SNX18: variants seen among roughly 807,000 people sequenced by gnomAD.
SNX18 encodes the protein sorting nexin 18, also known as sorting nexin-18.
Under a neutral mutation model 48.7 loss-of-function variants are expected in SNX18, and 35 were observed. That is an observed-to-expected ratio of 0.72 (90% CI 0.55 to 0.95). The LOEUF (loss-of-function observed/expected upper bound fraction) is 0.95, where lower values mean the gene tolerates loss of function less well. Ranked by LOEUF, SNX18 falls within the 40% of genes least tolerant of loss-of-function variation. SNX18 has a pLI of 0.00. For synonymous variants in SNX18, 492 were observed against 384.7 expected (o/e 1.28, Z -3.26); for missense variants, 824 against 871.0 (o/e 0.95, Z 0.68).
At chr5:54,639,657 C>G in the SNX18 span, among the ~76,000 whole-genome samples, 1 of 152,116 alleles carries the variant, frequency 6.6e-6, no homozygotes, top group East Asian at 1.9e-4. Flanking sequence ...AAGTAAGTTA[C>G]GCACCCAAAA....
intron 1 of SNX18, among the ~76,000 whole-genome samples, chr5:54,539,941 G>A (rs9686403): frequency 0.26 from 39,395 of 151,514 alleles, 5,365 homozygotes; most frequent in East Asian, 0.44. Flanking sequence ...GTGCGATTTC[G>A]GCTCACTGCA....
the SNX18 span, among the ~76,000 whole-genome samples, chr5:54,640,424 A>T: frequency 2.0e-5 from 3 of 151,810 alleles, no homozygotes; most frequent in East Asian, 5.8e-4. Flanking sequence ...GGGTTTTGCC[A>T]TGTTGCCCAG....
the SNX18 span, among the ~76,000 whole-genome samples, chr5:54,605,318 T>C: frequency 2.0e-5 from 3 of 152,106 alleles, no homozygotes; most frequent in African/African-American, 7.2e-5. Context: ...AGCAAAATTG[T>C]TCCAGAGTAG....
intron 1 of SNX18, among the ~76,000 whole-genome samples, chr5:54,531,314 AG>A (rs1030387662): frequency 2.6e-5 from 4 of 152,132 alleles, no homozygotes; most frequent in African/African-American, 9.7e-5. Flanking sequence ...TTTGGGTGGT[AG>A]AAAGTAGTGA....
the SNX18 span, among the ~76,000 whole-genome samples, chr5:54,593,553 G>T: frequency 1.3e-5 from 2 of 152,176 alleles, no homozygotes; most frequent in East Asian, 3.8e-4. Flanking sequence ...ATGTTCTAAA[G>T]TGTATATGAA....
the SNX18 span, among the ~76,000 whole-genome samples, chr5:54,617,444 CT>C: frequency 1.3e-5 from 2 of 152,194 alleles, no homozygotes; most frequent in Non-Finnish European, 2.9e-5. Flanking sequence ...GTACTTCCCC[CT>C]CCCAAGTAAA....
chr5:54,608,554 T>C, the SNX18 span, among the ~76,000 whole-genome samples: 1 of 152,166 alleles, frequency 6.6e-6, no homozygotes, highest in Non-Finnish European at 1.5e-5. Flanking sequence ...TTTTAAATAA[T>C]GGATTGTGAC....
chr5:54,518,587 C>A lies in SNX18; in HGVS notation c.635C>A (p.Pro212Gln), dbSNP rs777012786. ...SLGSRGGSVP[P>Q]QHHPSGPKSS... ...GGTTCCCGCGGCGGCTCGGTCCCCC[C>A]GCAGCACCACCCGTCGGGGCCCAAG... Residue 212 changes from proline (P) to glutamine (Q), a missense_variant, in exon 1 of 2, where the codon CCG (proline) becomes CAG (glutamine). This residue lies in a region of SNX18 where 377 missense variants were observed against 350.6 expected (regional missense o/e 1.08). Transcript: ENST00000381410. 16 of 1,581,152 alleles carry A rather than the reference C, an allele frequency of 1.0e-5. No individual in the cohort carries two copies. The highest frequency in any genetic ancestry group is 2.2e-5 in the East Asian group (1 of 44,546).
chr5:54,613,140 G>T, the SNX18 span, among the ~76,000 whole-genome samples: 148 of 152,330 alleles, frequency 9.7e-4, no homozygotes, highest in East Asian at 0.026. Flanking sequence ...GAGATGTTGG[G>T]TATGCCATAA....
chr5:54,564,127 G>A, the SNX18 span, among the ~76,000 whole-genome samples: 3 of 152,000 alleles, frequency 2.0e-5, no homozygotes, highest in South Asian at 2.1e-4. Flanking sequence ...TTAGCCAGGC[G>A]TGATGGCGGG....
At chr5:54,593,025 C>T in the SNX18 span, among the ~76,000 whole-genome samples, 36 of 151,852 alleles carry the variant, frequency 2.4e-4, no homozygotes, top group Non-Finnish European at 4.0e-4. Context: ...GGTCTCAAAC[C>T]CCTGACCTCA....
chr5:54,582,241 C>T, the SNX18 span, among the ~76,000 whole-genome samples: 1 of 152,166 alleles, frequency 6.6e-6, no homozygotes, highest in Non-Finnish European at 1.5e-5. Context: ...TGGCACCAGG[C>T]ATCTTGTTCC....
rs534076618 is a variant in SNX18 at position 54,521,019 on chromosome 5, T to A, written c.1621+1446T>A. The A allele has an allele frequency of 3.7e-5, 6 of 163,954 alleles. No homozygotes were observed. The East Asian group carries it at 5.8e-4, about 16-fold the overall frequency. 10.2% of individuals were successfully genotyped at this position (163,954 alleles called of 1,614,324 possible). A position where few individuals can be genotyped will look rare whatever the true frequency, so the allele number is the denominator to read the frequency against. ...TATTTACATTACCTATGCCTTTTTT[T>A]AAAACATAAATTGTTATGAATCTTT... On this transcript the variant is annotated intron_variant, in intron 1 of 1. Transcript: ENST00000381410.
At chr5:54,601,624 C>A in the SNX18 span, among the ~76,000 whole-genome samples, 1 of 152,232 alleles carries the variant, frequency 6.6e-6, no homozygotes, top group Middle Eastern at 3.4e-3. Flanking sequence ...AGGACAGTGA[C>A]CAGCAGCAGC....
chr5:54,589,192 C>A, the SNX18 span, among the ~76,000 whole-genome samples: 3 of 152,172 alleles, frequency 2.0e-5, no homozygotes, highest in African/African-American at 7.2e-5. Context: ...GGCCAGTCCT[C>A]TAAGTTGCAT....
chr5:54,609,286 C>A, the SNX18 span, among the ~76,000 whole-genome samples: 1 of 152,012 alleles, frequency 6.6e-6, no homozygotes, highest in South Asian at 2.1e-4. Context: ...TGGATATTAA[C>A]TATTGAGGTG....
At chr5:54,548,899 A>G (rs1226220563), downstream of SNX18, among the ~76,000 whole-genome samples, 2 of 152,220 alleles carry the variant, frequency 1.3e-5, no homozygotes, top group East Asian at 3.9e-4. Context: ...TGCTCAAGTC[A>G]TAGAATGGCA....
the SNX18 span, among the ~76,000 whole-genome samples, chr5:54,578,940 A>T: frequency 6.6e-6 from 1 of 152,312 alleles, no homozygotes; most frequent in African/African-American, 2.4e-5. Flanking sequence ...TTGTTCCCTC[A>T]TACTTACACC....
chr5:54,542,414 A>AG (rs1762488638), intron 1 of SNX18, among the ~76,000 whole-genome samples: 1 of 152,216 alleles, frequency 6.6e-6, no homozygotes, highest in African/African-American at 2.4e-5. Context: ...GTCCCAAAAA[A>AG]GGGGCAAATT....
Sources: gnomAD v4.1 joint callset for allele counts (sites outside exome capture counted in the v4.1 genomes callset) on GRCh38, gnomAD v4.1.1 for gene constraint, gnomAD v4.1.1 regional missense constraint, MANE v1.5 for transcripts, NCBI Gene and HGNC (gene_info 2026-07-23, HGNC 2026-07-21) for gene names.